CSMD3: variants seen among roughly 807,000 people sequenced by gnomAD.
CSMD3 encodes the protein CUB and Sushi multiple domains 3.
In CSMD3, 177 loss-of-function variants were observed where a neutral mutation model predicts 435.2. The observed-to-expected ratio is 0.41, with a 90% CI of 0.36 to 0.46. The LOEUF (loss-of-function observed/expected upper bound fraction) is 0.46, where lower values mean the gene tolerates loss of function less well. CSMD3 is among the 20% of genes least tolerant of loss of function. The pLI, the probability that CSMD3 is intolerant of heterozygous loss-of-function variation, is 0.34. For synonymous variants in CSMD3, 1,656 were observed against 1,520.5 expected (o/e 1.09, Z -2.07); for missense variants, 4,265 against 4,504.6 (o/e 0.95, Z 1.52).
intron 32 of CSMD3, among the ~76,000 whole-genome samples, chr8:112,445,203 A>C (rs1243750080): frequency 6.6e-6 from 1 of 152,144 alleles, no homozygotes; most frequent in Admixed American, 6.5e-5. Flanking sequence ...AGATTGCACC[A>C]CCGCACTCCA....
chr8:112,577,526 T>C (rs986670800), intron 23 of CSMD3, among the ~76,000 whole-genome samples: 5 of 152,078 alleles, frequency 3.3e-5, no homozygotes, highest in East Asian at 3.9e-4. Flanking sequence ...TTTCTTTTTG[T>C]TTAATATGTA....
chr8:112,352,038 T>C (rs1368437803), intron 39 of CSMD3, among the ~76,000 whole-genome samples: 5 of 152,122 alleles, frequency 3.3e-5, no homozygotes, highest in Admixed American at 3.3e-4. Context: ...GTGTTTTAAG[T>C]GGCATTTCCC....
intron 3 of CSMD3, among the ~76,000 whole-genome samples, chr8:113,195,794 TA>T (rs1212455224): frequency 5.6e-5 from 7 of 126,034 alleles, no homozygotes; most frequent in African/African-American, 2.4e-4. Flanking sequence ...CTATATTTTA[TA>T]TATATATATA....
intron 1 of CSMD3, among the ~76,000 whole-genome samples, chr8:113,415,060 G>T (rs780259009): frequency 6.6e-6 from 1 of 152,040 alleles, no homozygotes; most frequent in Non-Finnish European, 1.5e-5. Flanking sequence ...AAGTTAATAC[G>T]ACTTTGGAAA....
intron 70 of CSMD3, among the ~76,000 whole-genome samples, chr8:112,226,147 T>C (rs1812537015): frequency 6.6e-6 from 1 of 152,170 alleles, no homozygotes; most frequent in African/African-American, 2.4e-5. Flanking sequence ...ATTTCAAAAA[T>C]ATTAGGTGAT....
chr8:112,364,189 A>T (rs1827532317), intron 38 of CSMD3, among the ~76,000 whole-genome samples: 1 of 151,968 alleles, frequency 6.6e-6, no homozygotes, highest in Admixed American at 6.6e-5. Context: ...AAATGGATAC[A>T]TTTCTGGGCA....
chr8:112,692,936 TC>T (rs2076169308), intron 13 of CSMD3, among the ~76,000 whole-genome samples: 2 of 151,320 alleles, frequency 1.3e-5, no homozygotes, highest in South Asian at 4.2e-4. Context: ...TATCTATCTA[TC>T]TATCTATCTA....
At chr8:112,692,307 A>G (rs1388564301) in intron 13 of CSMD3, among the ~76,000 whole-genome samples, 1 of 152,018 alleles carries the variant, frequency 6.6e-6, no homozygotes, top group African/African-American at 2.4e-5. Flanking sequence ...GAGAGATTTT[A>G]TTGTTCACTT....
chr8:113,167,694 G>A (rs1040207178), intron 4 of CSMD3, among the ~76,000 whole-genome samples: 3 of 152,150 alleles, frequency 2.0e-5, no homozygotes, highest in African/African-American at 4.8e-5. Context: ...TTTTCCTTGT[G>A]GATTGACATC....
intron 22 of CSMD3, among the ~76,000 whole-genome samples, chr8:112,591,926 T>C (rs1449622786): frequency 1.3e-5 from 2 of 152,010 alleles, no homozygotes; most frequent in African/African-American, 2.4e-5. Flanking sequence ...ATAAAAGGCA[T>C]CTTTATGTGT....
chr8:112,281,539 G>A (rs925330129), intron 58 of CSMD3, among the ~76,000 whole-genome samples, 189 bp from the exon 59 acceptor site: 1 of 152,088 alleles, frequency 6.6e-6, no homozygotes, highest in African/African-American at 2.4e-5. Context: ...CTTAATTACT[G>A]GGATGCAAAT....
At chr8:113,423,219 G>T (rs889325121) in intron 1 of CSMD3, among the ~76,000 whole-genome samples, 13 of 152,008 alleles carry the variant, frequency 8.6e-5, no homozygotes, top group Admixed American at 3.9e-4. Context: ...ACATTCTTGA[G>T]TATTTTGAAT....
intron 27 of CSMD3, among the ~76,000 whole-genome samples, chr8:112,544,971 T>C (rs542864569): frequency 2.0e-5 from 3 of 152,322 alleles, no homozygotes; most frequent in South Asian, 2.1e-4. Flanking sequence ...ATAAACAGCA[T>C]ATATACTCGT....
chr8:113,345,966 A>C lies in CSMD3; in HGVS notation c.179-31173T>G, dbSNP rs147039687. Among the ~76,000 whole-genome samples the C allele has an allele frequency of 4.6e-5, 7 of 151,994 alleles. No individual in the cohort carries two copies. The East Asian group carries it at 1.4e-3, about 30-fold the overall frequency. On this transcript the variant is annotated intron_variant, in intron 1 of 70. Transcript: ENST00000297405. ...TAGTAACTCCTCCTCTCCCAAGTCT[A>C]TCTCTATTGATCTTCCAGTTCTGTT...
At chr8:112,772,391 A>G (rs1200225730) in intron 13 of CSMD3, among the ~76,000 whole-genome samples, 1 of 152,114 alleles carries the variant, frequency 6.6e-6, no homozygotes, top group Non-Finnish European at 1.5e-5. Flanking sequence ...TTTGTTAAAC[A>G]AATGCTTGAA....
intron 9 of CSMD3, among the ~76,000 whole-genome samples, chr8:112,928,549 G>A (rs2082988013): frequency 6.6e-6 from 1 of 151,714 alleles, no homozygotes; most frequent in Non-Finnish European, 1.5e-5. Flanking sequence ...TTGGTTTTTT[G>A]TTCTTGCGAT....
At chr8:112,563,747 T>C (rs1484345145) in intron 24 of CSMD3, among the ~76,000 whole-genome samples, 2 of 152,076 alleles carry the variant, frequency 1.3e-5, no homozygotes, top group African/African-American at 4.8e-5. Context: ...CCCCAAAGTT[T>C]ATAAGTTTCA....
intron 18 of CSMD3, among the ~76,000 whole-genome samples, chr8:112,653,018 C>T (rs59155160): frequency 0.53 from 80,310 of 151,876 alleles, 22,295 homozygotes; most frequent in African/African-American, 0.71. Flanking sequence ...GGTTTCACCA[C>T]GTTGGCCAGG....
At chr8:112,352,688 A>C (rs1386852533) in intron 38 of CSMD3, among the ~76,000 whole-genome samples, 154 bp from the exon 39 acceptor site, 2 of 152,190 alleles carry the variant, frequency 1.3e-5, no homozygotes, top group Admixed American at 1.3e-4. Context: ...ATTTAACTGT[A>C]GATGTCAAGA....
Sources: gnomAD v4.1 joint callset for allele counts (sites outside exome capture counted in the v4.1 genomes callset) on GRCh38, gnomAD v4.1.1 for gene constraint, MANE v1.5 for transcripts, NCBI Gene and HGNC (gene_info 2026-07-23, HGNC 2026-07-21) for gene names.